The following SUSD1 variants were observed in gnomAD, a reference collection of about 807,000 sequenced individuals.
The protein encoded by SUSD1 is sushi domain-containing protein 1.
A neutral mutation model predicts 86.9 loss-of-function variants in SUSD1; 65 were observed. That is an observed-to-expected ratio of 0.75 (90% CI 0.61 to 0.92). The LOEUF is 0.92. Among genes scored for constraint, SUSD1 ranks in the 40% least tolerant of loss-of-function variants. The probability of loss-of-function intolerance (pLI) is 0.00; values close to 1 mark genes in which losing one functional copy is unlikely to be tolerated. For synonymous variants in SUSD1, 346 were observed against 350.0 expected, an observed-to-expected ratio of 0.99 and a Z score of 0.13; for missense variants, 850 against 929.7, an observed-to-expected ratio of 0.91 and a Z score of 1.11.
At chr9:112,114,821 TC>T (rs1390652967) in intron 6 of SUSD1, among the ~76,000 whole-genome samples, 1 of 152,188 alleles carries the variant, frequency 6.6e-6, no homozygotes, top group African/African-American at 2.4e-5. Flanking sequence ...AAATCCTTCC[TC>T]CTTTCTTTCC....
chr9:112,159,404 T>C (rs1364864309), intron 1 of SUSD1, among the ~76,000 whole-genome samples: 1 of 152,108 alleles, frequency 6.6e-6, no homozygotes, highest in Non-Finnish European at 1.5e-5. Context: ...GCGTGTTTTT[T>C]AAAAAAATAA....
chr9:112,154,837 T>C (rs1833223491), intron 2 of SUSD1, among the ~76,000 whole-genome samples: 1 of 152,160 alleles, frequency 6.6e-6, no homozygotes. Context: ...CTGCAATCTA[T>C]GTAAGGCAAA....
At chr9:112,139,349 TGAAAG>T (rs1832457019) in intron 5 of SUSD1, among the ~76,000 whole-genome samples, 1 of 152,064 alleles carries the variant, frequency 6.6e-6, no homozygotes, top group Admixed American at 6.6e-5. Context: ...ATAATCCAAA[TGAAAG>T]GAATAAAACA....
chr9:112,163,694 T>C (rs907438426), intron 1 of SUSD1, among the ~76,000 whole-genome samples: 2 of 151,894 alleles, frequency 1.3e-5, no homozygotes, highest in African/African-American at 4.8e-5. Flanking sequence ...GCAGAGATTA[T>C]ATAGATCCAT....
intron 5 of SUSD1, among the ~76,000 whole-genome samples, chr9:112,125,702 G>T (rs999895257): frequency 1.3e-5 from 2 of 152,208 alleles, no homozygotes; most frequent in Non-Finnish European, 2.9e-5. Flanking sequence ...CTTTTATTGA[G>T]ATAACAGCAT....
intron 3 of SUSD1, 62 bp from the exon 4 acceptor site, chr9:112,143,685 G>T: frequency 1.3e-6 from 2 of 1,504,848 alleles, no homozygotes; most frequent in Non-Finnish European, 1.8e-6. Flanking sequence ...AAAAAAAGGA[G>T]AGGATATTGT....
intron 8 of SUSD1, chr9:112,104,771 T>C (rs1830767835): frequency 6.6e-6 from 1 of 152,196 alleles, no homozygotes; most frequent in Non-Finnish European, 1.5e-5. Context: ...GCCATCCATT[T>C]TATTATGAAG....
intron 5 of SUSD1, among the ~76,000 whole-genome samples, chr9:112,138,542 T>C (rs1832419354): frequency 6.6e-6 from 1 of 150,498 alleles, no homozygotes; most frequent in Non-Finnish European, 1.5e-5. Context: ...CACAGCAACC[T>C]CCACCTCCCA....
At chr9:112,152,905 C>T (rs1833127779) in intron 2 of SUSD1, among the ~76,000 whole-genome samples, 1 of 150,668 alleles carries the variant, frequency 6.6e-6, no homozygotes, top group African/African-American at 2.5e-5. Context: ...CAGGTACCTG[C>T]CACCACACCT....
intron 14 of SUSD1, among the ~76,000 whole-genome samples, chr9:112,056,082 G>C (rs190337445): frequency 8.3e-4 from 127 of 152,180 alleles, no homozygotes; most frequent in Middle Eastern, 3.4e-3. Context: ...GCAACATGGA[G>C]AGACTCTATC....
chr9:112,149,158 T>C, intron 3 of SUSD1, 86 bp downstream of exon 3: 1 of 1,533,544 alleles, frequency 6.5e-7, no homozygotes, highest in South Asian at 1.2e-5. Context: ...AAAACTAACA[T>C]TAATTCCCTA....
chr9:112,116,055 C>T (rs1831310761), intron 6 of SUSD1, among the ~76,000 whole-genome samples: 1 of 152,150 alleles, frequency 6.6e-6, no homozygotes, highest in Non-Finnish European at 1.5e-5. Context: ...AACTCACCAC[C>T]TGGTCCAGAA....
rs959500364 is a variant in SUSD1, at chr9:112,114,379, A to T, written c.887-1511T>A. Among the ~76,000 whole-genome samples, 4 of 152,104 alleles carry T rather than the reference A, an allele frequency of 2.6e-5. No individual in the cohort carries two copies. In the South Asian group the frequency reaches 8.3e-4, roughly 32 times the overall value. ...ATGCCTGTAGTCCCAGCTACTTGGG[A>T]GGCTGAGGCAGGAGAATCACTTGAA... is the stretch of plus-strand genomic sequence containing the variant. On this transcript the variant is annotated intron_variant, in intron 6 of 16. Transcript: ENST00000374270.
intron 10 of SUSD1, among the ~76,000 whole-genome samples, chr9:112,089,059 A>G (rs1014961259): frequency 1.3e-5 from 2 of 152,216 alleles, no homozygotes; most frequent in African/African-American, 4.8e-5. Context: ...GTGAGCTATG[A>G]TCAATCCACT....
chr9:112,042,043 C>A (rs187881164), intron 15 of SUSD1, 83 bp from the exon 16 acceptor site: 1 of 1,567,828 alleles, frequency 6.4e-7, no homozygotes, highest in East Asian at 2.4e-5. Flanking sequence ...GTGCTCAATC[C>A]ATTTTAACCC....
intron 8 of SUSD1, chr9:112,104,730 T>C (rs1283167010): frequency 6.6e-6 from 1 of 152,156 alleles, no homozygotes; most frequent in Non-Finnish European, 1.5e-5. Context: ...CATACTAACA[T>C]TATCCAATGA....
intron 10 of SUSD1, 127 bp downstream of exon 10, chr9:112,098,343 A>G (rs1233615925): frequency 2.1e-6 from 2 of 936,918 alleles, no homozygotes; most frequent in African/African-American, 1.7e-5. Context: ...CGCAGCTAAC[A>G]AAGTTTGTTA....
At chr9:112,088,778 CA>C (rs1830084910) in intron 10 of SUSD1, among the ~76,000 whole-genome samples, 1 of 149,432 alleles carries the variant, frequency 6.7e-6, no homozygotes, top group African/African-American at 2.5e-5. Flanking sequence ...GGAGTGAGAC[CA>C]CATCTCAAAA....
At chr9:112,133,284 G>A (rs886823532) in intron 5 of SUSD1, among the ~76,000 whole-genome samples, 6 of 152,132 alleles carry the variant, frequency 3.9e-5, no homozygotes, top group African/African-American at 7.2e-5. Flanking sequence ...GAAAAACAAA[G>A]CCAGAGGCAT....
Sources: allele counts gnomAD v4.1 joint callset (sites outside exome capture counted in the v4.1 genomes callset), GRCh38; gene constraint gnomAD v4.1.1; transcripts MANE v1.5; gene names NCBI Gene and HGNC (gene_info 2026-07-23, HGNC 2026-07-21).